Variants in ENGASE observed in about 807,000 individuals in gnomAD.
The protein encoded by ENGASE is endo-beta-N-acetylglucosaminidase.
A neutral mutation model predicts 78.5 loss-of-function variants in ENGASE; 69 were observed. The observed-to-expected ratio is 0.88, with a 90% confidence interval of 0.72 to 1.07. The LOEUF (loss-of-function observed/expected upper bound fraction) is 1.07. ENGASE is among the 50% of genes least tolerant of loss of function. The pLI, the probability that ENGASE is intolerant of heterozygous loss-of-function variation, is 0.00. For missense variants in ENGASE, 943 were observed against 988.4 expected, an observed-to-expected ratio of 0.95 and a Z score of 0.62; for synonymous variants, 408 against 408.9, an observed-to-expected ratio of 1.00 and a Z score of 0.03.
At position 79,074,859 on chromosome 17, in the gene ENGASE, C is replaced by T. The variant is rs1747672993; in HGVS notation, c.-86C>T. 1 of 1,213,108 alleles carries T rather than the reference C, an allele frequency of 8.2e-7. No homozygotes were observed. Among genetic ancestry groups the T allele is most frequent in the Non-Finnish European group, 1.0e-6 (1 of 974,532 alleles). 75.1% of individuals were successfully genotyped at this position (1,213,108 alleles called of 1,614,324 possible). On this transcript the variant is annotated 5_prime_UTR_variant, in exon 1 of 14. Coordinates refer to ENST00000579016, the MANE Select transcript of ENGASE (RefSeq NM_001042573.3). ...TCGGAGTCCCGTCCCAGCGCGGCGT[C>T]AGCGCTGCGCACTTCCCATTGGCCG...
intron 5 of ENGASE, 94 bp from the exon 6 acceptor site, chr17:79,080,831 G>T: frequency 6.7e-7 from 1 of 1,487,274 alleles, no homozygotes; most frequent in Middle Eastern, 2.2e-4. Context: ...GGGTCTGTTT[G>T]CTCTGCATCC....
intron 11 of ENGASE, 139 bp from the exon 12 acceptor site, chr17:79,085,095 C>T: frequency 1.4e-6 from 1 of 736,548 alleles, no homozygotes; most frequent in Non-Finnish European, 2.5e-6. Flanking sequence ...GGAGTCCTTG[C>T]TGGTTGCTTC....
chr17:79,085,084 C>T (rs1041309289), intron 11 of ENGASE, 150 bp from the exon 12 acceptor site: 20 of 719,674 alleles, frequency 2.8e-5, no homozygotes, highest in African/African-American at 1.4e-4. Context: ...CGAGCTCCTC[C>T]GGAGTCCTTG....
chr17:79,084,094 A>G (rs2073223363), intron 10 of ENGASE, 143 bp downstream of exon 10: 3 of 702,094 alleles, frequency 4.3e-6, no homozygotes, highest in African/African-American at 3.6e-5. Flanking sequence ...GTGATCAAAA[A>G]TGCATTAACG....
At chr17:79,080,060 C>G (rs1022204478) in intron 4 of ENGASE, 147 bp from the exon 5 acceptor site, 1 of 813,282 alleles carries the variant, frequency 1.2e-6, no homozygotes, top group African/African-American at 1.7e-5. Flanking sequence ...GGCAGAGTGT[C>G]TGATTCACGG....
chr17:79,087,046 C>T lies in ENGASE; in HGVS notation c.*697C>T, dbSNP rs1426895638. 6.2e-6 allele frequency: 3 copies of T among 483,996 alleles called. No homozygotes were observed. Among genetic ancestry groups the T allele is most frequent in the African/African-American group, 3.9e-5 (2 of 51,140 alleles). 30.0% of individuals were successfully genotyped at this position (483,996 alleles called of 1,614,324 possible). Reference sequence around the variant, plus strand: ...GTCATCTCCGGAGCGTTTTCAGCAGCCCCTGGCTCTGCGGCGTCTCTTCCG... The same window carrying T: ...GTCATCTCCGGAGCGTTTTCAGCAGTCCCTGGCTCTGCGGCGTCTCTTCCG... On this transcript the variant is annotated 3_prime_UTR_variant, in exon 14 of 14. Transcript: ENST00000579016.
At chr17:79,082,634 A>G (rs1425845608) in intron 7 of ENGASE, 3 of 1,295,222 alleles carry the variant, frequency 2.3e-6, no homozygotes, top group Non-Finnish European at 3.0e-6. Flanking sequence ...AGCCCCAGGG[A>G]TGTTCTCAGC....
chr17:79,083,712 C>T lies in ENGASE; in HGVS notation c.1252-49C>T. 6.3e-7 allele frequency: 1 copy of T among 1,583,834 alleles called. No homozygotes were observed. ...CCCTTCCCTGCCGCTCCGGGCACCC[C>T]TGCTCTGTTGGCCTCTGCTGAGTGC... On this transcript the variant is annotated intron_variant, in intron 9 of 13. Coordinates refer to ENST00000579016, the MANE Select transcript of ENGASE (RefSeq NM_001042573.3). This position sits in a 1 kb window ranked among gnomAD's most constrained non-coding sequence, Gnocchi z 4.9.
At chr17:79,079,449 T>C (rs1172177307) in intron 3 of ENGASE, 40 bp from the exon 4 acceptor site, 1 of 1,595,418 alleles carries the variant, frequency 6.3e-7, no homozygotes. Context: ...AATAAAGGCA[T>C]GAGCTGCCGT....
intron 3 of ENGASE, among the ~76,000 whole-genome samples, chr17:79,078,532 T>G (rs531019720): frequency 6.6e-6 from 1 of 152,296 alleles, no homozygotes; most frequent in Admixed American, 6.5e-5. Context: ...TTGGTGTTCG[T>G]CACCTTCTTC....
At chr17:79,075,117 C>G in intron 1 of ENGASE, 27 bp downstream of exon 1, 1 of 1,204,786 alleles carries the variant, frequency 8.3e-7, no homozygotes, top group Non-Finnish European at 1.0e-6. Context: ...CGCGTGAACC[C>G]CGATCCGCGG....
At chr17:79,084,790 T>G in intron 11 of ENGASE, 104 bp downstream of exon 11, 1 of 1,289,044 alleles carries the variant, frequency 7.8e-7, no homozygotes, top group Non-Finnish European at 1.1e-6. Context: ...GTGTGGACAG[T>G]GGGGGGGTAC....
In ENGASE at chr17:79,086,071, T is replaced by C. The variant is rs1262375082; in HGVS notation, c.1954T>C (p.Ser652Pro). The change falls in exon 14 of 14, where the codon TCC (serine) becomes CCC (proline). Residue 652 changes from serine to proline, a missense_variant. Physicochemically the swap from Ser to Pro is moderately conservative, Grantham distance 74. Transcript: ENST00000579016. ...LLQLSCTLHWSFLLSQVRCFR... is the reference protein window; with the variant it reads ...LLQLSCTLHWPFLLSQVRCFR... ...CCAGCTCAGCTGCACCCTGCACTGG[T>C]CCTTCCTCCTCTCACAAGTCCGTTG... The C allele has an allele frequency of 6.2e-7, 1 of 1,613,512 alleles. No homozygotes were observed. The highest frequency in any genetic ancestry group is 1.1e-5 in the South Asian group (1 of 91,090).
At chr17:79,075,972 CT>C (rs1354742732) in intron 1 of ENGASE, 2 of 898,150 alleles carry the variant, frequency 2.2e-6, no homozygotes, top group Non-Finnish European at 2.7e-6. Context: ...AGGAAGGGGG[CT>C]TTGGAAAAGG....
chr17:79,085,465 AG>A (rs1390789909), intron 12 of ENGASE, 123 bp downstream of exon 12: 3 of 1,325,400 alleles, frequency 2.3e-6, no homozygotes, highest in Admixed American at 2.4e-5. Context: ...CTGAGACAGA[AG>A]CCCAGGACAG....
In ENGASE at chr17:79,077,862, C is replaced by T; in HGVS notation, c.414C>T (p.Asp138=). The T allele has an allele frequency of 6.2e-7, 1 of 1,611,996 alleles. No homozygotes were observed. Among genetic ancestry groups the T allele is most frequent in the South Asian group, 1.1e-5 (1 of 90,994 alleles). The change falls in exon 3 of 14, where the codon GAC becomes GAT. Residue 138 remains aspartate, a splice_region_variant and synonymous_variant. Coordinates refer to ENST00000579016, the MANE Select transcript of ENGASE (RefSeq NM_001042573.3). The stretch of plus-strand genomic sequence containing the variant: ...ACATGATGGGCGGGTACCTGGATGA[C>T]AGGTGAGGACCTGGCCTTACATTGA... ...CHDMMGGYLD[D]RFIQGSVVQT...
chr17:79,086,932 C>T lies in ENGASE; in HGVS notation c.*583C>T. ...CTGAGGAGTGGGCATTCTGGGCCAGCCGGCGCTGGCTTCGTGCCTCCACGT... is the reference window on the plus strand; with the variant it reads ...CTGAGGAGTGGGCATTCTGGGCCAGTCGGCGCTGGCTTCGTGCCTCCACGT... On this transcript the variant is annotated 3_prime_UTR_variant, in exon 14 of 14. Transcript: ENST00000579016. 2.1e-6 allele frequency: 1 copy of T among 470,086 alleles called. No individual in the cohort carries two copies. The highest frequency in any genetic ancestry group is 4.0e-4 in the Middle Eastern group (1 of 2,518). The allele number at this position is 470,086 out of a possible 1,614,324, so 29.1% of individuals were successfully genotyped here.
rs1004668596 is a variant in ENGASE, at chr17:79,080,928, G to A, written c.727G>A (p.Ala243Thr). Residue 243 changes from alanine to threonine, a missense_variant, in exon 6 of 14, where the codon GCC (alanine) becomes ACC (threonine). Ala to Thr is a moderately conservative substitution (Grantham distance 58). Coordinates refer to ENST00000579016, the MANE Select transcript of ENGASE (RefSeq NM_001042573.3). ...LINIENSLSL[A>T]AVGNMPPFLR... Reference sequence around the variant, plus strand: ...TCACCTTGTTCTTCTCTTTCAGCTGGCCGCTGTGGGGAACATGCCTCCTTT... The same window carrying A: ...TCACCTTGTTCTTCTCTTTCAGCTGACCGCTGTGGGGAACATGCCTCCTTT... 2.5e-6 allele frequency: 4 copies of A among 1,610,348 alleles called. No individual in the cohort carries two copies. The African/African-American group carries it at 5.3e-5, about 22-fold the overall frequency.
chr17:79,082,386 C>G, intron 7 of ENGASE: 1 of 1,263,818 alleles, frequency 7.9e-7, no homozygotes, highest in Non-Finnish European at 1.0e-6. Flanking sequence ...TGATCTTCCC[C>G]GTGAGGGAAG....
Sources: allele counts gnomAD v4.1 joint callset (sites outside exome capture counted in the v4.1 genomes callset), GRCh38; gene constraint gnomAD v4.1.1; non-coding constraint Gnocchi (gnomAD v3.1); transcripts MANE v1.5; gene names NCBI Gene and HGNC (gene_info 2026-07-23, HGNC 2026-07-21).